UTS2B: variants seen among roughly 807,000 people sequenced by gnomAD.
UTS2B encodes the protein urotensin-2B.
In UTS2B, 21 loss-of-function variants were observed where a neutral mutation model predicts 19.2. The observed-to-expected ratio is 1.09, with a 90% CI of 0.78 to 1.58. UTS2B has a LOEUF of 1.58. Ranked by LOEUF, UTS2B falls within the 40% of genes most tolerant of loss-of-function variation. The pLI, the probability that UTS2B is intolerant of heterozygous loss-of-function variation, is 0.00. For synonymous variants in UTS2B, 57 were observed against 50.2 expected (o/e 1.14, Z -0.58); for missense variants, 138 against 130.3 (o/e 1.06, Z -0.29).
intron 8 of UTS2B, among the ~76,000 whole-genome samples, chr3:191,269,713 CCTCT>C (rs1389593592): frequency 6.6e-5 from 10 of 152,150 alleles, no homozygotes; most frequent in African/African-American, 1.7e-4. Flanking sequence ...TCATCACTGA[CCTCT>C]CTGTCTTTTC....
At chr3:191,295,007 G>T (rs149223031) in intron 4 of UTS2B, among the ~76,000 whole-genome samples, 2,569 of 149,848 alleles carry the variant, frequency 0.017, 134 homozygotes, top group African/African-American at 0.06. Flanking sequence ...CTCCAGCCTG[G>T]GTGACAGAGT....
At chr3:191,313,684 A>G (rs1040884501) in intron 3 of UTS2B, among the ~76,000 whole-genome samples, 2 of 149,882 alleles carry the variant, frequency 1.3e-5, no homozygotes, top group Non-Finnish European at 3.0e-5. Flanking sequence ...ACCCCTATAT[A>G]TGAAAAACTT....
intron 3 of UTS2B, among the ~76,000 whole-genome samples, chr3:191,310,128 A>AT (rs374392553): frequency 0.016 from 2,336 of 149,996 alleles, 52 homozygotes; most frequent in African/African-American, 0.053. Flanking sequence ...ATGCCTGGCT[A>AT]TTTTTTTTTG....
Position 191,268,252 on chromosome 3 carries a change from T to G in UTS2B, c.*164A>C, listed in dbSNP as rs1715994318. On this transcript the variant is annotated 3_prime_UTR_variant, in exon 9 of 9. Transcript: ENST00000340524. ...CTCATTCTGGCAGTCCAACCTGGCA[T>G]TGTCTTTACACAATCCCGCATGCAA... 1 of 516,038 alleles carries G rather than the reference T, an allele frequency of 1.9e-6. No individual in the cohort carries two copies. Among genetic ancestry groups the G allele is most frequent in the Admixed American group, 4.2e-5 (1 of 24,084 alleles). 32.0% of individuals were successfully genotyped at this position (516,038 alleles called of 1,614,324 possible).
In UTS2B at chr3:191,278,059, A is replaced by G; in HGVS notation, c.202+13T>C. On this transcript the variant is annotated intron_variant, in intron 6 of 8. Transcript: ENST00000340524. ...TTTTTAATAAATAGAGCTTGACTTT[A>G]TGTTTAACTCACCAGTGTTGAAAGG... 4 of 1,413,918 alleles carry G rather than the reference A, an allele frequency of 2.8e-6. No individual in the cohort carries two copies. The highest frequency in any genetic ancestry group is 3.8e-6 in the Non-Finnish European group (4 of 1,043,808). The allele number at this position is 1,413,918 out of a possible 1,614,324, so 87.6% of individuals were successfully genotyped here. A position where few individuals can be genotyped will look rare whatever the true frequency, so the allele number is the denominator to read the frequency against.
At chr3:191,321,198 T>G (rs938364344) in intron 2 of UTS2B, among the ~76,000 whole-genome samples, 1 of 151,922 alleles carries the variant, frequency 6.6e-6, no homozygotes, top group Non-Finnish European at 1.5e-5. Flanking sequence ...TAAGTGTGTG[T>G]GGGGAGGGGT....
intron 1 of UTS2B, chr3:191,329,423 T>G: frequency 3.6e-5 from 15 of 419,966 alleles, no homozygotes; most frequent in Admixed American, 9.5e-5. Flanking sequence ...TTGGTATCGA[T>G]TGGGGCCGGG....
At position 191,293,285 on chromosome 3, in the gene UTS2B, C is replaced by G. The variant is rs548032686; in HGVS notation, c.-124-10972G>C. 3.3e-5 allele frequency among the ~76,000 whole-genome samples: 5 copies of G among 152,246 alleles called. No homozygotes were observed. The East Asian group carries it at 9.6e-4, about 29-fold the overall frequency. ...TTGTAGAATGAATTGAAAATGGTCT[C>G]TTCTCTTTTAAGTTTTTGAAGAGTT... On this transcript the variant is annotated intron_variant, in intron 4 of 8. Transcript: ENST00000340524.
chr3:191,290,651 T>G (rs997333427), intron 4 of UTS2B, among the ~76,000 whole-genome samples: 1 of 152,152 alleles, frequency 6.6e-6, no homozygotes, highest in African/African-American at 2.4e-5. Flanking sequence ...TTAGAAACAT[T>G]TGAACTTTGT....
At chr3:191,330,004 A>G (rs1717909652) in intron 1 of UTS2B, among the ~76,000 whole-genome samples, 1 of 150,904 alleles carries the variant, frequency 6.6e-6, no homozygotes, top group African/African-American at 2.4e-5. Flanking sequence ...GTTCTCGTGC[A>G]TCGCAAAGCC....
At chr3:191,313,750 A>ATTC (rs1717370009) in intron 3 of UTS2B, among the ~76,000 whole-genome samples, 1 of 69,556 alleles carries the variant, frequency 1.4e-5, no homozygotes, top group Non-Finnish European at 2.6e-5. Flanking sequence ...TTTTTTTTTG[A>ATTC]GATGAGGTCT....
chr3:191,297,987 C>A (rs1426206937), intron 4 of UTS2B, among the ~76,000 whole-genome samples: 1 of 152,198 alleles, frequency 6.6e-6, no homozygotes, highest in East Asian at 1.9e-4. Context: ...GGGCTTCTGT[C>A]TCTAACATGT....
chr3:191,281,214 T>C (rs757692919), intron 5 of UTS2B, among the ~76,000 whole-genome samples: 2 of 152,146 alleles, frequency 1.3e-5, no homozygotes, highest in Non-Finnish European at 2.9e-5. Context: ...AGGAAAAGGT[T>C]ATCTCCCTCT....
chr3:191,344,768 G>A, the UTS2B span, among the ~76,000 whole-genome samples: 3 of 152,100 alleles, frequency 2.0e-5, no homozygotes, highest in South Asian at 2.1e-4. Context: ...TTGTGGAGAC[G>A]AGATTTCACT....
At chr3:191,278,009 G>A in intron 6 of UTS2B, 63 bp downstream of exon 6, 1 of 805,894 alleles carries the variant, frequency 1.2e-6, no homozygotes, top group Non-Finnish European at 1.9e-6. Flanking sequence ...GAAAAAGCAA[G>A]TCTCAAGACA....
At chr3:191,281,645 G>C (rs1262348987) in intron 5 of UTS2B, among the ~76,000 whole-genome samples, 1 of 54,482 alleles carries the variant, frequency 1.8e-5, no homozygotes, top group Admixed American at 2.4e-4. Context: ...TTTCTATCTT[G>C]ATGTATTTTT....
intron 4 of UTS2B, among the ~76,000 whole-genome samples, chr3:191,287,704 T>C (rs193138620): frequency 6.6e-6 from 1 of 151,946 alleles, no homozygotes; most frequent in East Asian, 1.9e-4. Context: ...ACAAAATAAG[T>C]ATGCCCACTC....
chr3:191,285,325 A>G (rs1393661091), intron 4 of UTS2B, among the ~76,000 whole-genome samples: 1 of 152,212 alleles, frequency 6.6e-6, no homozygotes, highest in East Asian at 1.9e-4. Flanking sequence ...CACAAAGCAA[A>G]AACCTATGGT....
upstream of UTS2B, among the ~76,000 whole-genome samples, chr3:191,334,859 TG>T (rs1355509014): frequency 6.6e-6 from 1 of 152,176 alleles, no homozygotes; most frequent in Non-Finnish European, 1.5e-5. Flanking sequence ...ATGTATCATA[TG>T]GATGCTGAGT....
Sources: gnomAD v4.1 joint callset for allele counts (sites outside exome capture counted in the v4.1 genomes callset) on GRCh38, gnomAD v4.1.1 for gene constraint, MANE v1.5 for transcripts, NCBI Gene and HGNC (gene_info 2026-07-23, HGNC 2026-07-21) for gene names.